UBE2W: variants seen among roughly 807,000 people sequenced by gnomAD.
The protein encoded by UBE2W is ubiquitin conjugating enzyme E2 W, also known as ubiquitin-conjugating enzyme E2 W.
Under a neutral mutation model 27.2 loss-of-function variants are expected in UBE2W, and 18 were observed. The observed-to-expected ratio is 0.66, with a 90% CI of 0.46 to 0.98. UBE2W has a LOEUF of 0.98. UBE2W is among the 50% of genes least tolerant of loss of function. The pLI is 0.00. For missense variants in UBE2W, 90 were observed against 180.2 expected (o/e 0.50, Z 2.87); for synonymous variants, 53 against 57.2 (o/e 0.93, Z 0.33).
chr8:73,780,749 C>A (rs1807827022), intron 4 of UBE2W, among the ~76,000 whole-genome samples: 1 of 151,806 alleles, frequency 6.6e-6, no homozygotes, highest in Non-Finnish European at 1.5e-5. Context: ...GTCTCGAACT[C>A]CTGGACTCAA....
Position 73,786,564 on chromosome 8 carries a change from G to A in UBE2W, c.*7538C>T. 1 of 985,434 alleles carries A rather than the reference G, an allele frequency of 1.0e-6. No homozygotes were observed. Among genetic ancestry groups the A allele is most frequent in the East Asian group, 1.1e-4 (1 of 8,818 alleles). The allele number at this position is 985,434 out of a possible 1,614,324, so 61.0% of individuals were successfully genotyped here. ...AAAGGACAAGGATGATAACCTTTCAGCTACCTTTGAACTAGACCTTTCAGG... is the reference window on the plus strand; with the variant it reads ...AAAGGACAAGGATGATAACCTTTCAACTACCTTTGAACTAGACCTTTCAGG... On this transcript the variant is annotated 3_prime_UTR_variant, in exon 6 of 6. Transcript: ENST00000602593.
intron 1 of UBE2W, among the ~76,000 whole-genome samples, chr8:73,844,417 G>A (rs1053664474): frequency 8.5e-5 from 13 of 152,206 alleles, no homozygotes; most frequent in South Asian, 2.1e-4. Flanking sequence ...CCGAGGTGCC[G>A]GGATTGCAGA....
chr8:73,864,761 G>GC (rs1811677749), intron 1 of UBE2W, among the ~76,000 whole-genome samples: 1 of 129,094 alleles, frequency 7.7e-6, no homozygotes, highest in South Asian at 3.0e-4. Context: ...GGGGGGGGGG[G>GC]GCGGGGGGGG....
chr8:73,782,925 C>T (rs1407204439), downstream of UBE2W, among the ~76,000 whole-genome samples: 4 of 152,170 alleles, frequency 2.6e-5, no homozygotes, highest in Non-Finnish European at 4.4e-5. Flanking sequence ...ACATCCTTGC[C>T]ACAACTTGGT....
At chr8:73,846,933 G>A (rs1810830372) in intron 1 of UBE2W, among the ~76,000 whole-genome samples, 1 of 152,202 alleles carries the variant, frequency 6.6e-6, no homozygotes, top group African/African-American at 2.4e-5. Context: ...AGAACTTTGG[G>A]AGGCCGAGGC....
At position 73,858,292 on chromosome 8, in the gene UBE2W, C is replaced by T. The variant is rs979282433; in HGVS notation, c.15+20516G>A. ...AGGAGAACTGCTTGAACCTGGGAGG[C>T]GGAGGCTGCAGTGAGCCGAGATTAT... On this transcript the variant is annotated intron_variant, in intron 1 of 5. Transcript: ENST00000602593. 5.6e-5 allele frequency among the ~76,000 whole-genome samples: 8 copies of T among 143,106 alleles called. No homozygotes were observed. In the East Asian group the frequency reaches 1.0e-3, roughly 19 times the overall value. 93.9% of individuals were successfully genotyped at this position (143,106 alleles called of 152,430 possible). A position where few individuals can be genotyped will look rare whatever the true frequency, so the allele number is the denominator to read the frequency against.
intron 1 of UBE2W, among the ~76,000 whole-genome samples, chr8:73,871,362 T>C (rs1251402581): frequency 6.6e-6 from 1 of 152,212 alleles, no homozygotes; most frequent in Non-Finnish European, 1.5e-5. Flanking sequence ...GTAAGATAAA[T>C]ACAAAATGCA....
intron 1 of UBE2W, among the ~76,000 whole-genome samples, chr8:73,876,132 T>C (rs1487041032): frequency 6.6e-6 from 1 of 152,014 alleles, no homozygotes; most frequent in Admixed American, 6.6e-5. Context: ...TATTTATTAT[T>C]AAATCCATGA....
chr8:73,842,528 CAAAAAAAAAAAA>C (rs759063478), intron 1 of UBE2W, among the ~76,000 whole-genome samples: 57 of 9,670 alleles, frequency 5.9e-3, no homozygotes, highest in African/African-American at 0.013. Flanking sequence ...GACTCCGTCT[CAAAAAAAAAAAA>C]AAAAAAAAAA....
chr8:73,842,703 A>C (rs1047003209), intron 1 of UBE2W, among the ~76,000 whole-genome samples: 1 of 152,174 alleles, frequency 6.6e-6, no homozygotes, highest in Non-Finnish European at 1.5e-5. Flanking sequence ...CACACAAAGG[A>C]CCAAAAACAC....
intron 1 of UBE2W, among the ~76,000 whole-genome samples, chr8:73,852,935 G>C (rs1306629240): frequency 2.0e-5 from 3 of 152,178 alleles, no homozygotes; most frequent in Non-Finnish European, 4.4e-5. Context: ...CTGTAAGTTA[G>C]GTGCTGTAAG....
At chr8:73,785,318 A>G (rs1807917600), downstream of UBE2W, among the ~76,000 whole-genome samples, 1 of 151,416 alleles carries the variant, frequency 6.6e-6, no homozygotes, top group Admixed American at 6.6e-5. Flanking sequence ...GCTTTTTTGT[A>G]TTTTTAGTAA....
chr8:73,839,323 ACATTT>A lies in UBE2W; in HGVS notation c.16-8856_16-8852del, dbSNP rs199906514. Among the ~76,000 whole-genome samples, 45 of 148,582 alleles carry A rather than the reference ACATTT, an allele frequency of 3.0e-4. No individual in the cohort carries two copies. The East Asian group carries it at 8.2e-3, about 27-fold the overall frequency. On this transcript the variant is annotated intron_variant, in intron 1 of 5. Coordinates refer to ENST00000602593, the MANE Select transcript of UBE2W (RefSeq NM_018299.6). ...TCCTGGTTATTTTGAATCATGGAAG[ACATTT>A]TTTTAAAATGCTCCTAGTTAAAAAA...
chr8:73,792,162 A>G lies in UBE2W; in HGVS notation c.*1940T>C. 1 of 985,522 alleles carries G rather than the reference A, an allele frequency of 1.0e-6. No homozygotes were observed. Among genetic ancestry groups the G allele is most frequent in the Non-Finnish European group, 1.2e-6 (1 of 829,822 alleles). 61.0% of individuals were successfully genotyped at this position (985,522 alleles called of 1,614,324 possible). ...CAATTTTCATATTAAAAGCAGTTTA[A>G]AACTATGAGTAATTCAAAGACTTTC... On this transcript the variant is annotated 3_prime_UTR_variant, in exon 6 of 6. Transcript: ENST00000602593.
At chr8:73,785,953 A>T (rs900842053), downstream of UBE2W, among the ~76,000 whole-genome samples, 24 of 151,776 alleles carry the variant, frequency 1.6e-4, no homozygotes, top group Non-Finnish European at 1.5e-5. Context: ...GGCTTGTCAC[A>T]TTTTATATGA....
intron 1 of UBE2W, among the ~76,000 whole-genome samples, chr8:73,874,003 C>A (rs183748980): frequency 5.0e-4 from 76 of 152,258 alleles, no homozygotes; most frequent in African/African-American, 1.8e-3. Context: ...GAAAATTAGA[C>A]AGCATATATG....
rs1275250681 is a variant in UBE2W, at chr8:73,791,110, C to T, written c.*2992G>A. On this transcript the variant is annotated 3_prime_UTR_variant, in exon 6 of 6. Transcript: ENST00000602593. ...GGATTAAAAATGATTTATTTCCCTG[C>T]TGGCTAAAATGATAAATTATATATT... 1 of 984,826 alleles carries T rather than the reference C, an allele frequency of 1.0e-6. No individual in the cohort carries two copies. The highest frequency in any genetic ancestry group is 1.7e-5 in the African/African-American group (1 of 57,288). The allele number at this position is 984,826 out of a possible 1,614,324, so 61.0% of individuals were successfully genotyped here. A position where few individuals can be genotyped will look rare whatever the true frequency, so the allele number is the denominator to read the frequency against.
chr8:73,835,010 C>G (rs993964905), intron 1 of UBE2W, among the ~76,000 whole-genome samples: 2 of 152,042 alleles, frequency 1.3e-5, no homozygotes, highest in African/African-American at 2.4e-5. Context: ...TTTCAAGGAC[C>G]ATATTTTGGG....
At chr8:73,813,855 T>G (rs992232186) in intron 3 of UBE2W, among the ~76,000 whole-genome samples, 1 of 151,792 alleles carries the variant, frequency 6.6e-6, no homozygotes, top group Admixed American at 6.6e-5. Context: ...CAGGTTCAAG[T>G]GATTCTCCTG....
Sources: gnomAD v4.1 joint callset for allele counts (sites outside exome capture counted in the v4.1 genomes callset) on GRCh38, gnomAD v4.1.1 for gene constraint, MANE v1.5 for transcripts, NCBI Gene and HGNC (gene_info 2026-07-23, HGNC 2026-07-21) for gene names.